GABRA2: variants seen among roughly 807,000 people sequenced by gnomAD.
The protein encoded by GABRA2 is gamma-aminobutyric acid type A receptor subunit alpha2.
In GABRA2, 16 loss-of-function variants were observed where a neutral mutation model predicts 48.7. The observed-to-expected ratio is 0.33, with a 90% CI of 0.22 to 0.50. The LOEUF (loss-of-function observed/expected upper bound fraction) is 0.50. Ranked by LOEUF, GABRA2 falls within the 20% of genes least tolerant of loss-of-function variation. The pLI, the probability that GABRA2 is intolerant of heterozygous loss-of-function variation, is 0.98. For synonymous variants in GABRA2, 185 were observed against 184.5 expected (o/e 1.00, Z -0.02); for missense variants, 275 against 535.6 (o/e 0.51, Z 4.80).
intron 8 of GABRA2, among the ~76,000 whole-genome samples, chr4:46,274,368 C>G (rs750140205): frequency 5.8e-4 from 89 of 152,192 alleles, no homozygotes; most frequent in Admixed American, 8.5e-4. Flanking sequence ...TTCAAAGACA[C>G]TTATGTCTAA....
chr4:46,251,787 G>A (rs1044532713), intron 9 of GABRA2, among the ~76,000 whole-genome samples: 2 of 151,428 alleles, frequency 1.3e-5, no homozygotes, highest in Non-Finnish European at 3.0e-5. Context: ...ATTCAATGAA[G>A]GCTGGTGCTG....
chr4:46,262,187 A>T, intron 8 of GABRA2, 59 bp from the exon 9 acceptor site: 2 of 1,421,500 alleles, frequency 1.4e-6, no homozygotes, highest in Non-Finnish European at 2.0e-6. Context: ...ACAGCATGGG[A>T]AGTAGCTTTT....
rs549821586 is a variant in GABRA2, at chr4:46,255,350, A to G, written c.1060-4746T>C. On this transcript the variant is annotated intron_variant, in intron 9 of 9. Transcript: ENST00000381620. ...CAGATCAATTGATACAGAATTCAATAGCTTATTCTACAATTCTATTATGTA... is the reference window on the plus strand; with the variant it reads ...CAGATCAATTGATACAGAATTCAATGGCTTATTCTACAATTCTATTATGTA... Among the ~76,000 whole-genome samples the G allele has an allele frequency of 8.6e-5, 13 of 151,790 alleles. No homozygotes were observed. The South Asian group carries it at 1.9e-3, about 22-fold the overall frequency.
At chr4:46,335,768 G>A (rs1366087600) in intron 3 of GABRA2, among the ~76,000 whole-genome samples, 2 of 152,074 alleles carry the variant, frequency 1.3e-5, no homozygotes, top group Non-Finnish European at 2.9e-5. Context: ...ACCGTGCCTG[G>A]CCCTGATCAC....
intron 3 of GABRA2, among the ~76,000 whole-genome samples, chr4:46,378,349 G>A (rs1024456786): frequency 6.6e-5 from 10 of 152,040 alleles, no homozygotes; most frequent in African/African-American, 1.9e-4. Flanking sequence ...CTGTTGATCT[G>A]TGACCTTACC....
chr4:46,338,706 A>T (rs1732695171), intron 3 of GABRA2, among the ~76,000 whole-genome samples: 1 of 151,872 alleles, frequency 6.6e-6, no homozygotes, highest in South Asian at 2.1e-4. Flanking sequence ...GCAATTTCCC[A>T]TTAAAAAAGA....
At chr4:46,296,977 G>T (rs1171162304) in intron 8 of GABRA2, among the ~76,000 whole-genome samples, 1 of 152,172 alleles carries the variant, frequency 6.6e-6, no homozygotes, top group African/African-American at 2.4e-5. Flanking sequence ...TTGTACGAAA[G>T]ATAGTTGTAT....
chr4:46,359,143 C>T (rs1351551019), intron 3 of GABRA2, among the ~76,000 whole-genome samples: 7 of 152,086 alleles, frequency 4.6e-5, no homozygotes, highest in Admixed American at 1.3e-4. Context: ...TTCTTCTTGA[C>T]CCAAAGTTTA....
chr4:46,243,872 A>C lies in GABRA2; in HGVS notation c.*6436T>G, dbSNP rs1713217599. The C allele has an allele frequency of 6.6e-6, 1 of 151,602 alleles. No individual in the cohort carries two copies. Among genetic ancestry groups the C allele is most frequent in the Non-Finnish European group, 1.5e-5 (1 of 67,664 alleles). 9.4% of individuals were successfully genotyped at this position (151,602 alleles called of 1,614,324 possible). The stretch of plus-strand genomic sequence containing the variant: ...ATTATTAATTTGTAGCAAAGGAAAA[A>C]TACTTTATTCCTTTTATTTTCTATT... On this transcript the variant is annotated 3_prime_UTR_variant, in exon 10 of 10. Transcript: ENST00000381620.
chr4:46,351,646 A>G (rs1426416137), intron 3 of GABRA2, among the ~76,000 whole-genome samples: 1 of 152,058 alleles, frequency 6.6e-6, no homozygotes, highest in East Asian at 1.9e-4. Flanking sequence ...GAAGACATAG[A>G]TAAGAAAATA....
rs1446656272 is a variant in GABRA2 at position 46,247,283 on chromosome 4, GA to G, written c.*3024del. Among the ~76,000 whole-genome samples, 9 of 151,090 alleles carry G rather than the reference GA, an allele frequency of 6.0e-5. No individual in the cohort carries two copies. The East Asian group carries it at 1.8e-3, about 30-fold the overall frequency. ...ATGGGAACATGAACAGGAGAAAAGA[GA>G]AAAACAGCCACCTATCCTAGCACAC... is the stretch of plus-strand genomic sequence containing the variant. On this transcript the variant is annotated 3_prime_UTR_variant, in exon 10 of 10. Transcript: ENST00000381620.
In GABRA2 at chr4:46,370,384, C is replaced by T. The variant is rs901382997; in HGVS notation, c.187+15690G>A. 4.0e-5 allele frequency among the ~76,000 whole-genome samples: 6 copies of T among 151,834 alleles called. 1 individual carries two copies. Among genetic ancestry groups the T allele is most frequent in the Admixed American group, 3.9e-4 (6 of 15,238 alleles). ...CCAAAGAAAAAAAACTGATAAAGAA[C>T]AGTAGAGGGACAAAACAAACAAACA... On this transcript the variant is annotated intron_variant, in intron 3 of 9. Coordinates refer to ENST00000381620, the MANE Select transcript of GABRA2 (RefSeq NM_000807.4).
intron 6 of GABRA2, among the ~76,000 whole-genome samples, chr4:46,309,333 G>C (rs1416833565): frequency 6.6e-6 from 1 of 152,040 alleles, no homozygotes; most frequent in Non-Finnish European, 1.5e-5. Flanking sequence ...AATCAGATGA[G>C]AGTACTGTAT....
intron 4 of GABRA2, among the ~76,000 whole-genome samples, chr4:46,327,273 T>C (rs1256137162): frequency 2.0e-5 from 3 of 151,984 alleles, no homozygotes; most frequent in Admixed American, 6.6e-5. Flanking sequence ...TATGAGTCCA[T>C]AGATCATAGG....
intron 8 of GABRA2, among the ~76,000 whole-genome samples, chr4:46,266,182 T>C (rs950350135): frequency 6.6e-6 from 1 of 151,482 alleles, no homozygotes; most frequent in African/African-American, 2.4e-5. Context: ...TATTCTCTAT[T>C]CAAGTCTTCT....
chr4:46,389,096 G>A, intron 1 of GABRA2: 3 of 1,008,934 alleles, frequency 3.0e-6, no homozygotes, highest in Non-Finnish European at 3.6e-6. Flanking sequence ...GGAATGGGTT[G>A]GAGGGGAGGG....
chr4:46,281,169 G>A lies in GABRA2; in HGVS notation c.857-19041C>T, dbSNP rs556002033. On this transcript the variant is annotated intron_variant, in intron 8 of 9. Coordinates refer to ENST00000381620, the MANE Select transcript of GABRA2 (RefSeq NM_000807.4). Reference sequence around the variant, plus strand: ...CAAGTAGAGCAGATTTTGAGGGGAGGAAGTTTGAAAATTCAGTTTTGTGCA... The same window carrying A: ...CAAGTAGAGCAGATTTTGAGGGGAGAAAGTTTGAAAATTCAGTTTTGTGCA... Among the ~76,000 whole-genome samples the A allele has an allele frequency of 3.9e-5, 6 of 152,282 alleles. No individual in the cohort carries two copies. In the East Asian group the frequency reaches 7.7e-4, roughly 20 times the overall value.
intron 4 of GABRA2, among the ~76,000 whole-genome samples, chr4:46,317,384 A>G (rs1728720843): frequency 6.6e-6 from 1 of 151,838 alleles, no homozygotes. Context: ...CGATTTTTAT[A>G]TATCACTTTA....
intron 2 of GABRA2, among the ~76,000 whole-genome samples, chr4:46,388,075 T>TTAA (rs776147860): frequency 6.6e-6 from 1 of 152,178 alleles, no homozygotes; most frequent in African/African-American, 2.4e-5. Flanking sequence ...GAAAAAAATC[T>TTAA]TAATAATGCA....
Sources: gnomAD v4.1 joint callset for allele counts (sites outside exome capture counted in the v4.1 genomes callset) on GRCh38, gnomAD v4.1.1 for gene constraint, MANE v1.5 for transcripts, NCBI Gene and HGNC (gene_info 2026-07-23, HGNC 2026-07-21) for gene names.